PHF21B: variants seen among roughly 807,000 people sequenced by gnomAD.
PHF21B encodes the protein PHD finger protein 4.
A neutral mutation model predicts 62.2 loss-of-function variants in PHF21B; 22 were observed. The ratio of observed to expected loss-of-function variants is 0.35; its 90% CI spans 0.25 to 0.51. The LOEUF is 0.51. Among genes scored for constraint, PHF21B ranks in the 20% least tolerant of loss-of-function variants. The pLI, the probability that PHF21B is intolerant of heterozygous loss-of-function variation, is 0.97. For synonymous variants in PHF21B, 341 were observed against 314.7 expected, an observed-to-expected ratio of 1.08 and a Z score of -0.88; for missense variants, 701 against 707.9, an observed-to-expected ratio of 0.99 and a Z score of 0.11.
At chr22:44,909,717 C>A (rs1168993963) in intron 5 of PHF21B, among the ~76,000 whole-genome samples, 1 of 152,226 alleles carries the variant, frequency 6.6e-6, no homozygotes, top group East Asian at 1.9e-4. Flanking sequence ...GGAATCCTTT[C>A]CCACTCGTGT....
intron 2 of PHF21B, among the ~76,000 whole-genome samples, chr22:45,007,075 CTCCCGGACG>C (rs1316852112): frequency 6.6e-6 from 1 of 151,850 alleles, no homozygotes; most frequent in Non-Finnish European, 1.5e-5. Flanking sequence ...GAAGCTTCCA[CTCCCGGACG>C]GGGGCGCGCG....
At chr22:44,975,215 G>T (rs530444746) in intron 2 of PHF21B, among the ~76,000 whole-genome samples, 3 of 152,226 alleles carry the variant, frequency 2.0e-5, no homozygotes, top group Admixed American at 6.5e-5. Context: ...AGAATCAAGG[G>T]TCCAAGCTCC....
chr22:44,891,487 C>G, intron 7 of PHF21B, 127 bp from the exon 8 acceptor site: 1 of 1,081,046 alleles, frequency 9.3e-7, no homozygotes, highest in Non-Finnish European at 1.4e-6. Context: ...TCTGGCTGGA[C>G]ACCCCCTGCC....
chr22:44,966,314 A>G lies in PHF21B; in HGVS notation c.120+42231T>C, dbSNP rs73889897. Among the ~76,000 whole-genome samples, 767 of 152,282 alleles carry G rather than the reference A, an allele frequency of 5.0e-3. 7 individuals carry two copies. Among genetic ancestry groups the G allele is most frequent in the African/African-American group, 0.018 (739 of 41,560 alleles). Reference sequence around the variant, plus strand: ...ACCCGGAGTCTCCAGCCCCTTTTTGAGAGAAGTCTGAACCTTGTCGGGTGC... The same window carrying G: ...ACCCGGAGTCTCCAGCCCCTTTTTGGGAGAAGTCTGAACCTTGTCGGGTGC... On this transcript the variant is annotated intron_variant, in intron 2 of 12. Coordinates refer to ENST00000313237, the MANE Select transcript of PHF21B (RefSeq NM_138415.5).
At chr22:44,968,667 C>T (rs114419240) in intron 2 of PHF21B, among the ~76,000 whole-genome samples, 7,450 of 146,888 alleles carry the variant, frequency 0.051, 327 homozygotes, top group South Asian at 0.17. Context: ...AAAAAAAATA[C>T]CTGGGACCAT....
intron 7 of PHF21B, among the ~76,000 whole-genome samples, chr22:44,891,723 G>C (rs78474140): frequency 0.045 from 6,865 of 152,334 alleles, 243 homozygotes; most frequent in African/African-American, 0.095. Context: ...ACTGGGTCTG[G>C]AGTCAGGTGG....
At chr22:44,960,557 T>TAA (rs1193759543) in intron 2 of PHF21B, among the ~76,000 whole-genome samples, 1 of 152,220 alleles carries the variant, frequency 6.6e-6, no homozygotes, top group Non-Finnish European at 1.5e-5. Context: ...AGCTGTGTGA[T>TAA]AGTCACTGTG....
intron 2 of PHF21B, chr22:45,002,874 C>G (rs1437399988): frequency 1.3e-5 from 2 of 152,404 alleles, no homozygotes; most frequent in Non-Finnish European, 2.9e-5. Flanking sequence ...CCTCCCACTG[C>G]GCGTTTCTCT....
intron 6 of PHF21B, among the ~76,000 whole-genome samples, chr22:44,894,300 T>C (rs1908772621): frequency 6.6e-6 from 1 of 152,156 alleles, no homozygotes; most frequent in Admixed American, 6.5e-5. Context: ...AAACCAATAA[T>C]GATCACGCCT....
At chr22:44,889,334 G>A (rs967378534) in intron 9 of PHF21B, among the ~76,000 whole-genome samples, 3 of 152,242 alleles carry the variant, frequency 2.0e-5, no homozygotes, top group Non-Finnish European at 4.4e-5. Flanking sequence ...GGTGTGTGGG[G>A]TGAGTCCCTG....
chr22:44,948,819 C>T (rs1370814744), intron 2 of PHF21B, among the ~76,000 whole-genome samples: 2 of 152,152 alleles, frequency 1.3e-5, no homozygotes, highest in Non-Finnish European at 2.9e-5. Context: ...TTATCCAGAA[C>T]ATATGGAGAT....
chr22:44,975,354 G>A (rs1246716911), intron 2 of PHF21B, among the ~76,000 whole-genome samples: 3 of 151,968 alleles, frequency 2.0e-5, no homozygotes, highest in Non-Finnish European at 4.4e-5. Context: ...AGCAGGAAGC[G>A]CCTTTGGGTG....
intron 11 of PHF21B, 89 bp from the exon 12 acceptor site, chr22:44,885,618 C>T: frequency 1.5e-6 from 2 of 1,312,790 alleles, no homozygotes; most frequent in South Asian, 2.8e-5. Context: ...AGGGATGAAA[C>T]CAAGGCCTAG....
intron 5 of PHF21B, among the ~76,000 whole-genome samples, chr22:44,909,822 T>G (rs142138624): frequency 3.3e-4 from 51 of 152,364 alleles, no homozygotes; most frequent in African/African-American, 1.2e-3. Context: ...CTGCAGACCA[T>G]GCCCCTTCTC....
At position 44,994,113 on chromosome 22, in the gene PHF21B, G is replaced by A. The variant is rs998684887; in HGVS notation, c.120+14432C>T. ...AAGGCACCTGCTGCTGCGTCGGCCC[G>A]GGGCATCCCCGCAACGTGAATCCAA... is the stretch of plus-strand genomic sequence containing the variant. On this transcript the variant is annotated intron_variant, in intron 2 of 12. Coordinates refer to ENST00000313237, the MANE Select transcript of PHF21B (RefSeq NM_138415.5). 9.2e-5 allele frequency among the ~76,000 whole-genome samples: 14 copies of A among 152,346 alleles called. 1 individual carries two copies. The highest frequency in any genetic ancestry group is 3.3e-4 in the Admixed American group (5 of 15,306).
intron 2 of PHF21B, among the ~76,000 whole-genome samples, chr22:44,973,332 C>G (rs2072674858): frequency 6.6e-6 from 1 of 152,188 alleles, no homozygotes; most frequent in Admixed American, 6.5e-5. Context: ...AGCTCCCACC[C>G]CTGAAACCAG....
chr22:44,912,845 C>T (rs1407263685), intron 5 of PHF21B, among the ~76,000 whole-genome samples: 1 of 112,714 alleles, frequency 8.9e-6, no homozygotes, highest in African/African-American at 3.4e-5. Flanking sequence ...TGCCAGTGCA[C>T]ACCAGCATGG....
intron 2 of PHF21B, among the ~76,000 whole-genome samples, chr22:44,951,906 AT>A (rs1422957078): frequency 6.6e-6 from 1 of 152,170 alleles, no homozygotes; most frequent in African/African-American, 2.4e-5. Flanking sequence ...ATTACCTCAA[AT>A]TTCTTTTGGA....
At chr22:45,004,598 T>C (rs1249829031) in intron 2 of PHF21B, among the ~76,000 whole-genome samples, 1 of 152,216 alleles carries the variant, frequency 6.6e-6, no homozygotes, top group Non-Finnish European at 1.5e-5. Context: ...GATTAAAATG[T>C]ACCTTTCTGG....
Sources: gnomAD v4.1 joint callset for allele counts (sites outside exome capture counted in the v4.1 genomes callset) on GRCh38, gnomAD v4.1.1 for gene constraint, MANE v1.5 for transcripts, NCBI Gene and HGNC (gene_info 2026-07-23, HGNC 2026-07-21) for gene names.